Variants in DPYSL3 observed in about 807,000 individuals in gnomAD.
The protein encoded by DPYSL3 is dihydropyrimidinase-related protein 3.
A neutral mutation model predicts 66.1 loss-of-function variants in DPYSL3; 16 were observed. That is an observed-to-expected ratio of 0.24 (90% CI 0.16 to 0.37). DPYSL3 has a LOEUF of 0.37. Ranked by LOEUF, DPYSL3 falls within the 10% of genes least tolerant of loss-of-function variation. The probability of loss-of-function intolerance (pLI) is 1.00; values close to 1 mark genes in which losing one functional copy is unlikely to be tolerated. For synonymous variants in DPYSL3, 338 were observed against 345.1 expected (o/e 0.98, Z 0.23); for missense variants, 738 against 916.2 (o/e 0.81, Z 2.51).
intron 1 of DPYSL3, among the ~76,000 whole-genome samples, chr5:147,452,070 G>A (rs1435286990): frequency 2.0e-5 from 3 of 152,180 alleles, no homozygotes; most frequent in Non-Finnish European, 4.4e-5. Flanking sequence ...TTCTTCCCCA[G>A]CACCAGCTGG....
At position 147,403,328 on chromosome 5, in the gene DPYSL3, C is replaced by T. The variant is rs561106098; in HGVS notation, c.1154-1632G>A. 3.9e-5 allele frequency among the ~76,000 whole-genome samples: 6 copies of T among 152,256 alleles called. No homozygotes were observed. In the South Asian group the frequency reaches 1.2e-3, roughly 32 times the overall value. ...GAAGAAATGAAAGTCACAGCAAGCA[C>T]TCAACTACTATTGAAAGAAATAGAA... On this transcript the variant is annotated intron_variant, in intron 8 of 13. Transcript: ENST00000343218.
intron 12 of DPYSL3, 105 bp from the exon 13 acceptor site, chr5:147,395,826 G>T: frequency 7.8e-7 from 1 of 1,288,180 alleles, no homozygotes; most frequent in Non-Finnish European, 1.1e-6. Flanking sequence ...TGGGAGCTAG[G>T]AATTAACAAT....
chr5:147,441,821 T>G (rs1465113630), intron 1 of DPYSL3, among the ~76,000 whole-genome samples: 1 of 152,020 alleles, frequency 6.6e-6, no homozygotes, highest in African/African-American at 2.4e-5. Flanking sequence ...CAATTTCTCA[T>G]AGCAAAAAGG....
intron 1 of DPYSL3, among the ~76,000 whole-genome samples, chr5:147,451,315 A>G (rs1474503612): frequency 9.2e-5 from 14 of 152,246 alleles, no homozygotes; most frequent in Non-Finnish European, 2.1e-4. Context: ...TGCTGGAGAT[A>G]CAGCCCCAGC....
At position 147,406,647 on chromosome 5, in the gene DPYSL3, G is replaced by A. The variant is rs72833337; in HGVS notation, c.1033-917C>T. On this transcript the variant is annotated intron_variant, in intron 7 of 13. Transcript: ENST00000343218. ...TATTGTTGATAATATTTTCTAACCAGTTGAGGGTCTGTGTTACTCTCAAGT... is the reference window on the plus strand; with the variant it reads ...TATTGTTGATAATATTTTCTAACCAATTGAGGGTCTGTGTTACTCTCAAGT... Among the ~76,000 whole-genome samples, 773 of 152,292 alleles carry A rather than the reference G, an allele frequency of 5.1e-3. 2 individuals carry two copies. Among genetic ancestry groups the A allele is most frequent in the Non-Finnish European group, 7.4e-3 (503 of 68,026 alleles).
intron 1 of DPYSL3, among the ~76,000 whole-genome samples, chr5:147,427,005 AC>A (rs1319553715): frequency 6.6e-6 from 1 of 152,060 alleles, no homozygotes; most frequent in Non-Finnish European, 1.5e-5. Context: ...TAATATGTCC[AC>A]CCTCATTTCT....
At chr5:147,459,983 G>A (rs774814473) in intron 1 of DPYSL3, among the ~76,000 whole-genome samples, 7 of 152,116 alleles carry the variant, frequency 4.6e-5, no homozygotes, top group Admixed American at 1.3e-4. Flanking sequence ...GGTGGTGGGC[G>A]CCTGTTATCC....
At chr5:147,403,016 G>A (rs960878745) in intron 8 of DPYSL3, among the ~76,000 whole-genome samples, 1 of 152,098 alleles carries the variant, frequency 6.6e-6, no homozygotes, top group East Asian at 1.9e-4. Flanking sequence ...TGCACTCTAT[G>A]GCCAGGATCA....
intron 1 of DPYSL3, among the ~76,000 whole-genome samples, chr5:147,481,360 G>T (rs1581213353): frequency 6.6e-6 from 1 of 152,162 alleles, no homozygotes; most frequent in Non-Finnish European, 1.5e-5. Context: ...ACTGTGTAGG[G>T]TCTGAAGTTT....
At chr5:147,477,103 T>C (rs1477395442) in intron 1 of DPYSL3, among the ~76,000 whole-genome samples, 6 of 152,186 alleles carry the variant, frequency 3.9e-5, no homozygotes, top group African/African-American at 1.4e-4. Flanking sequence ...TCAGTATGTT[T>C]AAACGGACAA....
chr5:147,398,964 A>G lies in DPYSL3; in HGVS notation c.1623+118T>C, dbSNP rs41291407. On this transcript the variant is annotated intron_variant, in intron 11 of 13. Coordinates refer to ENST00000343218, the MANE Select transcript of DPYSL3 (RefSeq NM_001197294.2). ...GCCACTGAGATTTAGGGGATGGATT[A>G]TTATTGCAACCCGTCCTAGTCTAAC... is the stretch of plus-strand genomic sequence containing the variant. 4.6e-3 allele frequency: 6,319 copies of G among 1,360,304 alleles called. 31 individuals are homozygous for G. The highest frequency in any genetic ancestry group is 5.6e-3 in the Non-Finnish European group (5,608 of 1,003,088). 84.3% of individuals were successfully genotyped at this position (1,360,304 alleles called of 1,614,324 possible).
intron 6 of DPYSL3, among the ~76,000 whole-genome samples, chr5:147,410,375 A>C (rs957150555): frequency 6.6e-6 from 1 of 152,166 alleles, no homozygotes; most frequent in African/African-American, 2.4e-5. Context: ...TGGTGATTCT[A>C]ATGCACTGTT....
intron 6 of DPYSL3, among the ~76,000 whole-genome samples, chr5:147,409,645 CAT>C (rs1217970238): frequency 3.3e-5 from 5 of 152,206 alleles, no homozygotes; most frequent in African/African-American, 9.6e-5. Flanking sequence ...AGCACACACA[CAT>C]GAACTGATTG....
At chr5:147,490,489 T>C (rs1382190987) in intron 1 of DPYSL3, among the ~76,000 whole-genome samples, 2 of 152,218 alleles carry the variant, frequency 1.3e-5, no homozygotes, top group African/African-American at 4.8e-5. Context: ...TAGTTATGCT[T>C]TAGAACATCT....
intron 12 of DPYSL3, among the ~76,000 whole-genome samples, chr5:147,395,984 G>A (rs1474142986): frequency 6.6e-6 from 1 of 152,128 alleles, no homozygotes; most frequent in African/African-American, 2.4e-5. Context: ...TATGGGGTTG[G>A]GGTTGCCAGA....
intron 8 of DPYSL3, 135 bp downstream of exon 8, chr5:147,405,475 G>C: frequency 1.6e-6 from 2 of 1,219,572 alleles, no homozygotes; most frequent in Non-Finnish European, 2.2e-6. Flanking sequence ...CATCCACACA[G>C]GATGTGGAGA....
chr5:147,429,160 G>C (rs574141606), intron 1 of DPYSL3, among the ~76,000 whole-genome samples: 6 of 152,290 alleles, frequency 3.9e-5, no homozygotes, highest in Admixed American at 1.3e-4. Context: ...AGGGCATGCT[G>C]TGGTAATCTG....
At chr5:147,399,305 T>G (rs537643647) in intron 10 of DPYSL3, 53 bp from the exon 11 acceptor site, 1 of 1,553,226 alleles carries the variant, frequency 6.4e-7, no homozygotes, top group East Asian at 2.3e-5. Flanking sequence ...ATATATCAAT[T>G]CAGGGCTTCT....
intron 7 of DPYSL3, among the ~76,000 whole-genome samples, chr5:147,406,963 T>C (rs1368652724): frequency 6.6e-6 from 1 of 152,140 alleles, no homozygotes; most frequent in Non-Finnish European, 1.5e-5. Flanking sequence ...GATGGGACCT[T>C]GGAGGCCCCT....
Sources: gnomAD v4.1 joint callset for allele counts (sites outside exome capture counted in the v4.1 genomes callset) on GRCh38, gnomAD v4.1.1 for gene constraint, MANE v1.5 for transcripts, NCBI Gene and HGNC (gene_info 2026-07-23, HGNC 2026-07-21) for gene names.